Variants in GRID2 observed in about 807,000 individuals in gnomAD.
The protein encoded by GRID2 is glutamate receptor ionotropic, delta-2.
A neutral mutation model predicts 114.8 loss-of-function variants in GRID2; 33 were observed. The observed-to-expected ratio is 0.29, with a 90% confidence interval of 0.22 to 0.38. GRID2 has a LOEUF of 0.38. GRID2 is among the 10% of genes least tolerant of loss of function. The pLI, the probability that GRID2 is intolerant of heterozygous loss-of-function variation, is 1.00. For synonymous variants in GRID2, 505 were observed against 449.9 expected (o/e 1.12, Z -1.55); for missense variants, 1,184 against 1,257.7 (o/e 0.94, Z 0.89).
chr4:93,286,822 A>G (rs1197868549), intron 8 of GRID2, among the ~76,000 whole-genome samples: 1 of 152,060 alleles, frequency 6.6e-6, no homozygotes. Context: ...TTGCCTTCTG[A>G]AAAAATTATT....
intron 14 of GRID2, among the ~76,000 whole-genome samples, chr4:93,760,862 C>T (rs994512846): frequency 7.2e-5 from 11 of 152,134 alleles, no homozygotes; most frequent in Admixed American, 2.0e-4. Context: ...CTGCTCATAT[C>T]GCCTTGACTT....
chr4:92,394,066 C>T (rs186440193), intron 1 of GRID2, among the ~76,000 whole-genome samples: 116 of 152,158 alleles, frequency 7.6e-4, no homozygotes, highest in Admixed American at 6.9e-3. Flanking sequence ...CTCACTGAGT[C>T]GGCAGAAATG....
chr4:93,695,606 G>T (rs1049965320), intron 14 of GRID2, among the ~76,000 whole-genome samples: 1 of 152,156 alleles, frequency 6.6e-6, no homozygotes, highest in Non-Finnish European at 1.5e-5. Context: ...GTGTTAGACG[G>T]TGCTGAAAAA....
chr4:93,441,173 C>A (rs1166838722), intron 10 of GRID2, among the ~76,000 whole-genome samples: 1 of 151,928 alleles, frequency 6.6e-6, no homozygotes. Flanking sequence ...TTCATCTATC[C>A]CTGATCATGG....
At chr4:93,632,410 G>A (rs1320090048) in intron 14 of GRID2, among the ~76,000 whole-genome samples, 1 of 152,200 alleles carries the variant, frequency 6.6e-6, no homozygotes, top group African/African-American at 2.4e-5. Context: ...GTAAGGAAGG[G>A]ATCCAGTTTC....
At chr4:92,565,795 T>C in intron 1 of GRID2, among the ~76,000 whole-genome samples, 1 of 152,178 alleles carries the variant, frequency 6.6e-6, no homozygotes, top group Non-Finnish European at 1.5e-5. Context: ...AATAATTTAT[T>C]ACTGTTCATA....
At chr4:93,229,359 G>T (rs1260867680) in intron 7 of GRID2, among the ~76,000 whole-genome samples, 1 of 152,160 alleles carries the variant, frequency 6.6e-6, no homozygotes, top group Non-Finnish European at 1.5e-5. Flanking sequence ...GGGCCTTTTT[G>T]TTGACTAGGG....
intron 11 of GRID2, among the ~76,000 whole-genome samples, chr4:93,487,130 C>T (rs1001314699): frequency 6.6e-5 from 10 of 151,694 alleles, no homozygotes; most frequent in African/African-American, 2.2e-4. Flanking sequence ...CTTCTATTAT[C>T]TGTAACATCT....
At chr4:93,429,261 A>G (rs1004084851) in intron 10 of GRID2, among the ~76,000 whole-genome samples, 1 of 152,238 alleles carries the variant, frequency 6.6e-6, no homozygotes, top group African/African-American at 2.4e-5. Flanking sequence ...TCCCATCCCT[A>G]TAAGGCTCAC....
intron 13 of GRID2, among the ~76,000 whole-genome samples, chr4:93,571,624 ACATCACAT>A (rs940953777): frequency 6.6e-6 from 1 of 152,154 alleles, no homozygotes; most frequent in African/African-American, 2.4e-5. Flanking sequence ...AAGTTTAGCA[ACATCACAT>A]CATCTGTAAT....
At chr4:92,846,846 A>C (rs752275263) in intron 2 of GRID2, among the ~76,000 whole-genome samples, 3 of 152,070 alleles carry the variant, frequency 2.0e-5, no homozygotes, top group African/African-American at 7.2e-5. Flanking sequence ...CATTACAGTA[A>C]CCCAAGATGT....
chr4:92,712,237 A>G (rs1176228597), intron 2 of GRID2, among the ~76,000 whole-genome samples: 1 of 152,196 alleles, frequency 6.6e-6, no homozygotes, highest in Non-Finnish European at 1.5e-5. Flanking sequence ...TTTTGTATTT[A>G]CAATCGGTTA....
At chr4:93,624,610 A>G (rs1489438044) in intron 13 of GRID2, among the ~76,000 whole-genome samples, 2 of 152,146 alleles carry the variant, frequency 1.3e-5, no homozygotes, top group African/African-American at 4.8e-5. Context: ...CCTCATTTGT[A>G]AGATATGTTG....
chr4:92,634,120 A>AAAC (rs1730945581), intron 2 of GRID2, among the ~76,000 whole-genome samples: 1 of 151,732 alleles, frequency 6.6e-6, no homozygotes, highest in South Asian at 2.1e-4. Context: ...ATTGCAAAAA[A>AAAC]AAAAACAACA....
At chr4:93,227,740 T>C (rs552270560) in intron 7 of GRID2, among the ~76,000 whole-genome samples, 1 of 152,350 alleles carries the variant, frequency 6.6e-6, no homozygotes, top group South Asian at 2.1e-4. Flanking sequence ...TGCCCCTAAG[T>C]TCTGAATTCT....
chr4:93,132,161 T>C (rs919268941), intron 4 of GRID2, among the ~76,000 whole-genome samples: 12 of 152,172 alleles, frequency 7.9e-5, no homozygotes, highest in Admixed American at 7.2e-4. Flanking sequence ...GTTGCACTAT[T>C]TTTCCCAATA....
intron 1 of GRID2, among the ~76,000 whole-genome samples, chr4:92,340,344 T>C (rs17619771): frequency 0.066 from 9,992 of 152,206 alleles, 374 homozygotes; most frequent in Middle Eastern, 0.14. Context: ...CGCATGAGTG[T>C]CCCAAAGTAA....
chr4:93,687,781 T>G (rs75912549), intron 14 of GRID2, among the ~76,000 whole-genome samples: 6,253 of 152,058 alleles, frequency 0.041, 195 homozygotes, highest in African/African-American at 0.081. Context: ...TTTCAAGTAT[T>G]TCTGTTATAA....
chr4:92,545,387 T>C (rs764243661), intron 1 of GRID2, among the ~76,000 whole-genome samples: 1 of 152,136 alleles, frequency 6.6e-6, no homozygotes, highest in Non-Finnish European at 1.5e-5. Flanking sequence ...TACCAGTTTT[T>C]CTCTTGCTCA....
Sources: gnomAD v4.1 joint callset for allele counts (sites outside exome capture counted in the v4.1 genomes callset) on GRCh38, gnomAD v4.1.1 for gene constraint, MANE v1.5 for transcripts, NCBI Gene and HGNC (gene_info 2026-07-23, HGNC 2026-07-21) for gene names.